THSD7B: variants seen among roughly 807,000 people sequenced by gnomAD.
THSD7B encodes thrombospondin type-1 domain-containing protein 7B.
Under a neutral mutation model 213.6 loss-of-function variants are expected in THSD7B, and 138 were observed. The observed-to-expected ratio is 0.65, with a 90% CI of 0.56 to 0.74. The LOEUF is 0.74. Ranked by LOEUF, THSD7B falls within the 30% of genes least tolerant of loss-of-function variation. THSD7B has a pLI of 0.00. For missense variants in THSD7B, 1,931 were observed against 1,991.5 expected (o/e 0.97, Z 0.58); for synonymous variants, 742 against 687.0 (o/e 1.08, Z -1.25).
chr2:137,344,940 G>A (rs1454218950), intron 12 of THSD7B, among the ~76,000 whole-genome samples: 2 of 151,588 alleles, frequency 1.3e-5, no homozygotes, highest in Non-Finnish European at 3.0e-5. Context: ...AGACAAGTTG[G>A]TGATACCTAA....
chr2:137,556,868 C>CA (rs1252892312), intron 15 of THSD7B, among the ~76,000 whole-genome samples: 3 of 151,544 alleles, frequency 2.0e-5, no homozygotes, highest in Admixed American at 1.3e-4. Flanking sequence ...AAATGGAAAA[C>CA]AAAAAAAGGC....
chr2:137,534,036 A>G (rs1425461677), intron 15 of THSD7B, among the ~76,000 whole-genome samples: 2 of 151,194 alleles, frequency 1.3e-5, no homozygotes, highest in Non-Finnish European at 3.0e-5. Context: ...ACACACACAC[A>G]CACACACAGA....
At chr2:137,446,896 A>G (rs1687552461) in intron 14 of THSD7B, among the ~76,000 whole-genome samples, 1 of 152,098 alleles carries the variant, frequency 6.6e-6, no homozygotes, top group Admixed American at 6.5e-5. Context: ...AGAAATTAGA[A>G]TATTTAAGTG....
intron 12 of THSD7B, among the ~76,000 whole-genome samples, chr2:137,387,105 C>G (rs1319043411): frequency 3.9e-5 from 6 of 152,160 alleles, no homozygotes; most frequent in Admixed American, 3.9e-4. Context: ...CCCTGTGTAG[C>G]AATTAAGAAA....
intron 3 of THSD7B, among the ~76,000 whole-genome samples, chr2:137,082,845 A>G (rs1310335606): frequency 6.6e-6 from 1 of 152,100 alleles, no homozygotes; most frequent in Non-Finnish European, 1.5e-5. Context: ...TCTCTGTTGA[A>G]TAATGTTTTC....
intron 12 of THSD7B, among the ~76,000 whole-genome samples, chr2:137,329,489 C>A (rs1684446082): frequency 6.6e-6 from 1 of 152,068 alleles, no homozygotes; most frequent in South Asian, 2.1e-4. Flanking sequence ...CCTCAGCCTC[C>A]CAAGTAGCTG....
At chr2:137,398,784 G>A (rs990528283) in intron 12 of THSD7B, among the ~76,000 whole-genome samples, 11 of 152,194 alleles carry the variant, frequency 7.2e-5, no homozygotes, top group African/African-American at 2.4e-4. Context: ...CTTGCAGTTT[G>A]ATCTCAGACT....
At position 137,129,678 on chromosome 2, in the gene THSD7B, C is replaced by T. The variant is rs542187762; in HGVS notation, c.1369+14385C>T. Reference sequence around the variant, plus strand: ...CTGGTCTCTAACTTTTGGCCTCAAGCGATCCTCCTGCCTCAACCTCCCAAA... The same window carrying T: ...CTGGTCTCTAACTTTTGGCCTCAAGTGATCCTCCTGCCTCAACCTCCCAAA... On this transcript the variant is annotated intron_variant, in intron 5 of 27. Coordinates refer to ENST00000409968, the MANE Select transcript of THSD7B (RefSeq NM_001316349.2). Among the ~76,000 whole-genome samples the T allele has an allele frequency of 1.2e-4, 19 of 152,090 alleles. No individual in the cohort carries two copies. In the East Asian group the frequency reaches 1.5e-3, roughly 12 times the overall value.
intron 10 of THSD7B, among the ~76,000 whole-genome samples, chr2:137,265,382 C>T (rs181681421): frequency 4.9e-4 from 75 of 152,318 alleles, no homozygotes; most frequent in Admixed American, 2.5e-3. Flanking sequence ...TAAACTAGTT[C>T]AACCACTGTG....
intron 12 of THSD7B, among the ~76,000 whole-genome samples, chr2:137,390,746 A>C (rs1357560273): frequency 6.6e-6 from 1 of 152,184 alleles, no homozygotes; most frequent in South Asian, 2.1e-4. Context: ...TTATGAAGGG[A>C]TGCTGGATTT....
intron 15 of THSD7B, among the ~76,000 whole-genome samples, chr2:137,543,516 T>C (rs1378943443): frequency 2.0e-5 from 3 of 151,874 alleles, no homozygotes; most frequent in African/African-American, 7.2e-5. Context: ...GCACCAAAGC[T>C]GTAAAGCTGT....
At chr2:137,059,457 A>G (rs1573795162) in intron 3 of THSD7B, among the ~76,000 whole-genome samples, 1 of 152,158 alleles carries the variant, frequency 6.6e-6, no homozygotes, top group Non-Finnish European at 1.5e-5. Context: ...GAATAATGAC[A>G]TGGATCCACA....
rs375753259 is a variant in THSD7B at position 137,231,006 on chromosome 2, G to A, written c.1724-38G>A. 3.8e-6 allele frequency: 6 copies of A among 1,588,622 alleles called. No homozygotes were observed. In the African/African-American group the frequency reaches 5.4e-5, roughly 14 times the overall value. ...AGATAAAGCAGTGAGGCTTGATTGT[G>A]CATTAATCACCAACTGTCTTGATCT... is the stretch of plus-strand genomic sequence containing the variant. On this transcript the variant is annotated intron_variant, in intron 7 of 27. Coordinates refer to ENST00000409968, the MANE Select transcript of THSD7B (RefSeq NM_001316349.2).
At chr2:137,317,833 A>T (rs990479340) in intron 12 of THSD7B, among the ~76,000 whole-genome samples, 1 of 152,142 alleles carries the variant, frequency 6.6e-6, no homozygotes, top group Non-Finnish European at 1.5e-5. Flanking sequence ...CTGAGGCCAG[A>T]GGATTGCTTG....
intron 1 of THSD7B, among the ~76,000 whole-genome samples, chr2:136,804,398 C>T (rs1013304124): frequency 2.8e-5 from 3 of 108,010 alleles, no homozygotes; most frequent in South Asian, 7.1e-4. Flanking sequence ...CATACACACA[C>T]ACATAACACA....
At chr2:136,873,418 G>A (rs1023110682) in intron 1 of THSD7B, among the ~76,000 whole-genome samples, 8 of 152,122 alleles carry the variant, frequency 5.3e-5, no homozygotes, top group Non-Finnish European at 1.0e-4. Context: ...TGGTTCAAAG[G>A]CCTGAACAAG....
intron 12 of THSD7B, among the ~76,000 whole-genome samples, chr2:137,289,620 G>A (rs1683275575): frequency 6.6e-6 from 1 of 152,082 alleles, no homozygotes; most frequent in South Asian, 2.1e-4. Context: ...TCTAGTCTCA[G>A]CAAGTAATTG....
At chr2:136,946,251 G>A (rs1684934981) in intron 2 of THSD7B, among the ~76,000 whole-genome samples, 1 of 152,110 alleles carries the variant, frequency 6.6e-6, no homozygotes, top group Non-Finnish European at 1.5e-5. Flanking sequence ...GTGTGCTGGA[G>A]GTCCACTCCA....
At chr2:137,372,037 A>G (rs1463012540) in intron 12 of THSD7B, among the ~76,000 whole-genome samples, 1 of 152,126 alleles carries the variant, frequency 6.6e-6, no homozygotes, top group African/African-American at 2.4e-5. Flanking sequence ...GTTGAATTGT[A>G]TGAGTTTTTC....
Sources: gnomAD v4.1 joint callset for allele counts (sites outside exome capture counted in the v4.1 genomes callset) on GRCh38, gnomAD v4.1.1 for gene constraint, MANE v1.5 for transcripts, NCBI Gene and HGNC (gene_info 2026-07-23, HGNC 2026-07-21) for gene names.